Variants in TNS3 observed in about 807,000 individuals in gnomAD.
TNS3 encodes the protein tensin-3.
In TNS3, 45 loss-of-function variants were observed where a neutral mutation model predicts 140.9. That is an observed-to-expected ratio of 0.32 (90% CI 0.25 to 0.41). The LOEUF (loss-of-function observed/expected upper bound fraction) is 0.41. Ranked by LOEUF, TNS3 falls within the 10% of genes least tolerant of loss-of-function variation. The pLI is 1.00. For missense variants in TNS3, 1,716 were observed against 1,906.7 expected (o/e 0.90, Z 1.86); for synonymous variants, 815 against 788.4 (o/e 1.03, Z -0.56).
chr7:47,329,621 A>C (rs1037734793), intron 20 of TNS3, among the ~76,000 whole-genome samples: 5 of 152,200 alleles, frequency 3.3e-5, no homozygotes, highest in Non-Finnish European at 7.3e-5. Context: ...TATGTGTTGC[A>C]GAGCAGCAGC....
intron 17 of TNS3, among the ~76,000 whole-genome samples, chr7:47,347,879 C>G (rs185026021): frequency 1.3e-5 from 2 of 152,190 alleles, no homozygotes. Flanking sequence ...ATAATGCTTG[C>G]TCTCTTTTCC....
chr7:47,361,053 A>G (rs1016559684), intron 17 of TNS3, among the ~76,000 whole-genome samples: 1 of 151,176 alleles, frequency 6.6e-6, no homozygotes, highest in Non-Finnish European at 1.5e-5. Flanking sequence ...CCCTCCTGAG[A>G]TTCTTCCTCT....
At chr7:47,304,489 T>C (rs1786625152) in intron 21 of TNS3, among the ~76,000 whole-genome samples, 1 of 152,052 alleles carries the variant, frequency 6.6e-6, no homozygotes, top group Admixed American at 6.6e-5. Context: ...TCCTCAGGGG[T>C]AGTATCTTTG....
intron 17 of TNS3, among the ~76,000 whole-genome samples, chr7:47,349,299 C>T (rs566181091): frequency 3.5e-4 from 53 of 152,340 alleles, no homozygotes; most frequent in African/African-American, 1.2e-3. Flanking sequence ...CTTACTGTCC[C>T]ACCTCCGGTG....
chr7:47,307,364 G>C (rs1458542706), intron 20 of TNS3, among the ~76,000 whole-genome samples: 2 of 152,126 alleles, frequency 1.3e-5, no homozygotes. Context: ...CTTTTCCATT[G>C]TATGGACATA....
At position 47,433,488 on chromosome 7, in the gene TNS3, T is replaced by C. The variant is rs112942768; in HGVS notation, c.324+1794A>G. Among the ~76,000 whole-genome samples the C allele has an allele frequency of 1.3e-3, 195 of 152,352 alleles. 1 individual carries two copies. Among genetic ancestry groups the C allele is most frequent in the African/African-American group, 4.4e-3 (181 of 41,596 alleles). The stretch of plus-strand genomic sequence containing the variant: ...AGTTGCTTAGCAAAAGGATGCATTT[T>C]AGAAAGCTCTAGGTGGTCCCCACTA... On this transcript the variant is annotated intron_variant, in intron 8 of 30. Transcript: ENST00000311160.
intron 24 of TNS3, among the ~76,000 whole-genome samples, chr7:47,294,725 G>T (rs910805561): frequency 1.3e-5 from 2 of 152,220 alleles, no homozygotes; most frequent in Non-Finnish European, 2.9e-5. Flanking sequence ...ATATCACTGT[G>T]TCAGCATTTC....
rs770477868 is a variant in TNS3, at chr7:47,292,021, C to T, written c.3862G>A (p.Glu1288Lys). 3.7e-6 allele frequency: 6 copies of T among 1,614,146 alleles called. No individual in the cohort carries two copies. The highest frequency in any genetic ancestry group is 1.1e-5 in the South Asian group (1 of 91,056). Residue 1288 changes from glutamate (E) to lysine (K), a missense_variant, in exon 27 of 31, where the codon GAA becomes AAA. This residue lies in a region of TNS3 where 216 missense variants were observed against 295.7 expected (regional missense o/e 0.73). Transcript: ENST00000311160. ...LLIPERDPLE[E>K]IAESSPQTAA... Reference sequence around the variant, plus strand: ...GTCTGGGGAGAACTTTCTGCTATTTCCTCCAATGGATCTGTAGGAAGGGGC... The same window carrying T: ...GTCTGGGGAGAACTTTCTGCTATTTTCTCCAATGGATCTGTAGGAAGGGGC...
chr7:47,283,406 G>A (rs1785248339), intron 28 of TNS3, among the ~76,000 whole-genome samples: 1 of 152,116 alleles, frequency 6.6e-6, no homozygotes, highest in Non-Finnish European at 1.5e-5. Flanking sequence ...AAGATTTTTT[G>A]CATTTGCAAT....
intron 20 of TNS3, among the ~76,000 whole-genome samples, chr7:47,311,111 T>C (rs1317113791): frequency 1.3e-5 from 2 of 152,214 alleles, no homozygotes; most frequent in Admixed American, 1.3e-4. Flanking sequence ...GTCAATAGTA[T>C]TTCTAGTTCT....
intron 20 of TNS3, among the ~76,000 whole-genome samples, chr7:47,338,770 C>G (rs1788776068): frequency 1.3e-5 from 2 of 152,256 alleles, no homozygotes; most frequent in East Asian, 1.9e-4. Context: ...GAGTCCAGGT[C>G]TTTGCTATTG....
chr7:47,320,187 T>C (rs1330925536), intron 20 of TNS3, among the ~76,000 whole-genome samples: 1 of 152,158 alleles, frequency 6.6e-6, no homozygotes, highest in Admixed American at 6.5e-5. Context: ...AGAACAACTC[T>C]TAAAGGTGTG....
intron 17 of TNS3, among the ~76,000 whole-genome samples, chr7:47,349,617 A>T (rs1789548420): frequency 6.6e-6 from 1 of 152,228 alleles, no homozygotes; most frequent in Non-Finnish European, 1.5e-5. Context: ...TTCCATTCCC[A>T]AAAGGGAAAA....
chr7:47,526,971 G>A (rs897135093), intron 2 of TNS3, among the ~76,000 whole-genome samples: 3 of 152,106 alleles, frequency 2.0e-5, no homozygotes, highest in Admixed American at 6.5e-5. Flanking sequence ...GGTGGCTCAC[G>A]CCTGTAATCC....
At chr7:47,321,541 C>A (rs1407424575) in intron 20 of TNS3, among the ~76,000 whole-genome samples, 1 of 152,172 alleles carries the variant, frequency 6.6e-6, no homozygotes, top group African/African-American at 2.4e-5. Flanking sequence ...TCCAATATAA[C>A]AAGTGATGTT....
At chr7:47,519,816 CTT>C (rs34418629) in intron 2 of TNS3, among the ~76,000 whole-genome samples, 46 of 74,828 alleles carry the variant, frequency 6.1e-4, no homozygotes, top group African/African-American at 2.4e-3. Flanking sequence ...CCTCACATTT[CTT>C]TTTTTTTTTT....
chr7:47,541,257 G>A (rs75707719), intron 1 of TNS3, among the ~76,000 whole-genome samples: 2,398 of 152,248 alleles, frequency 0.016, 60 homozygotes, highest in African/African-American at 0.055. Flanking sequence ...TGTGTTGGGA[G>A]ACAGGAATCA....
chr7:47,280,300 G>A lies in TNS3; in HGVS notation c.4152C>T (p.Asp1384=). ...PVNSVIFCAL[D]PQDRKWIKDG... ...AAATTTCTTACTTCCTGTCTTGTGG[G>A]TCCAAGGCACAGAAAATCACACTGT... Residue 1384 remains aspartate, a synonymous_variant, in exon 29 of 31, where the codon GAC becomes GAT. Coordinates refer to ENST00000311160, the MANE Select transcript of TNS3 (RefSeq NM_022748.12). The A allele has an allele frequency of 6.2e-7, 1 of 1,614,126 alleles. No individual in the cohort carries two copies. Among genetic ancestry groups the A allele is most frequent in the Non-Finnish European group, 8.5e-7 (1 of 1,180,018 alleles).
chr7:47,302,755 A>C (rs1786479051), intron 22 of TNS3, among the ~76,000 whole-genome samples, 195 bp downstream of exon 22: 1 of 152,254 alleles, frequency 6.6e-6, no homozygotes, highest in Non-Finnish European at 1.5e-5. Context: ...GAAGCCAAGA[A>C]GAGTGAATGA....
Sources: allele counts gnomAD v4.1 joint callset (sites outside exome capture counted in the v4.1 genomes callset), GRCh38; gene constraint gnomAD v4.1.1; regional missense constraint gnomAD v4.1.1; transcripts MANE v1.5; gene names NCBI Gene and HGNC (gene_info 2026-07-23, HGNC 2026-07-21).